Variants in TMEM63A observed in about 807,000 individuals in gnomAD.
The protein encoded by TMEM63A is mechanosensitive cation channel TMEM63A.
Under a neutral mutation model 100.6 loss-of-function variants are expected in TMEM63A, and 76 were observed. That is an observed-to-expected ratio of 0.76 (90% CI 0.63 to 0.91). The LOEUF is 0.91. TMEM63A is among the 40% of genes least tolerant of loss of function. TMEM63A has a pLI of 0.00. For synonymous variants in TMEM63A, 401 were observed against 401.1 expected (o/e 1.00, Z 0.00); for missense variants, 876 against 1,008.8 (o/e 0.87, Z 1.78).
At chr1:225,845,356 T>TCTCCCCCCGCCTGCCAC, downstream of TMEM63A, 2 of 1,445,532 alleles carry the variant, frequency 1.4e-6, no homozygotes, top group Admixed American at 2.0e-5. Flanking sequence ...GACCCACCCC[T>TCTCCCCCCGCCTGCCAC]CTCCCCCCGC....
Position 225,847,081 on chromosome 1 carries a change from T to A in TMEM63A, c.2383A>T (p.Ser795Cys). ...GTIPGQCLAQSATGSVAAAPQ... is the reference protein window; with the variant it reads ...GTIPGQCLAQCATGSVAAAPQ... ...GCAGCAGCCACACTGCCCGTGGCGC[T>A]CTGCGCCAAGCACTGTCCAGGGATA... The change falls in exon 24 of 25, where the codon AGC (serine) becomes TGC (cysteine). Residue 795 changes from serine to cysteine, a missense_variant. Coordinates refer to ENST00000366835, the MANE Select transcript of TMEM63A (RefSeq NM_014698.3). 6.2e-7 allele frequency: 1 copy of A among 1,613,564 alleles called. No individual in the cohort carries two copies. The highest frequency in any genetic ancestry group is 8.5e-7 in the Non-Finnish European group (1 of 1,179,904).
chr1:225,856,826 G>A, intron 16 of TMEM63A, 85 bp downstream of exon 16: 1 of 1,581,624 alleles, frequency 6.3e-7, no homozygotes, highest in East Asian at 2.2e-5. Context: ...CACTGCCTGA[G>A]CAGCTGGGGG....
At chr1:225,848,034 TG>T (rs1669109144) in intron 23 of TMEM63A, among the ~76,000 whole-genome samples, 1 of 152,176 alleles carries the variant, frequency 6.6e-6, no homozygotes, top group South Asian at 2.1e-4. Context: ...CTCTCTACCA[TG>T]GGGTCTTCCT....
chr1:225,866,259 A>G lies in TMEM63A; in HGVS notation c.676-292T>C. On this transcript the variant is annotated intron_variant, in intron 9 of 24. Coordinates refer to ENST00000366835, the MANE Select transcript of TMEM63A (RefSeq NM_014698.3). ...ATGCGGTCACACAGCAGATCAGAGGAGGACCCAGGCCTGGAACCAAGCCAC... is the reference window on the plus strand; with the variant it reads ...ATGCGGTCACACAGCAGATCAGAGGGGGACCCAGGCCTGGAACCAAGCCAC... 3 of 520,450 alleles carry G rather than the reference A, an allele frequency of 5.8e-6. No homozygotes were observed. The South Asian group carries it at 6.5e-5, about 11-fold the overall frequency. The allele number at this position is 520,450 out of a possible 1,614,324, so 32.2% of individuals were successfully genotyped here.
intron 18 of TMEM63A, 90 bp downstream of exon 18, chr1:225,855,788 G>A (rs190554839): frequency 4.4e-5 from 60 of 1,351,466 alleles, no homozygotes; most frequent in Admixed American, 1.6e-4. Flanking sequence ...CATAGGCTAC[G>A]ACCGCCCCCA....
Position 225,866,502 on chromosome 1 carries a change from T to C in TMEM63A, c.675+72A>G, listed in dbSNP as rs1421723939. 4 of 1,388,262 alleles carry C rather than the reference T, an allele frequency of 2.9e-6. No homozygotes were observed. In the East Asian group the frequency reaches 7.0e-5, roughly 24 times the overall value. The allele number at this position is 1,388,262 out of a possible 1,614,324, so 86.0% of individuals were successfully genotyped here. A position where few individuals can be genotyped will look rare whatever the true frequency, so the allele number is the denominator to read the frequency against. On this transcript the variant is annotated intron_variant, in intron 9 of 24. Transcript: ENST00000366835. ...TGCAGTCAGGGCCTGTGGCAGAGCC[T>C]GGGAGGCCCTTCCACTCCGACTCCC...
chr1:225,857,379 C>CGGGGGGGGGGGGGGGG (rs369068747), intron 15 of TMEM63A, among the ~76,000 whole-genome samples: 9 of 112,754 alleles, frequency 8.0e-5, no homozygotes, highest in African/African-American at 3.1e-4. Context: ...TCCTGGCCGG[C>CGGGGGGGGGGGGGGGG]GGGGCGGGGG....
In TMEM63A at chr1:225,848,624, C is replaced by T. The variant is rs57931454; in HGVS notation, c.2188-70G>A. The T allele has an allele frequency of 2.8e-5, 42 of 1,517,386 alleles. No homozygotes were observed. The East Asian group carries it at 9.2e-4, about 33-fold the overall frequency. 94.0% of individuals were successfully genotyped at this position (1,517,386 alleles called of 1,614,324 possible). A position where few individuals can be genotyped will look rare whatever the true frequency, so the allele number is the denominator to read the frequency against. ...TCTGTGAACAAACACCCTCCAAACA[C>T]ACAGACTATTAACACCCGGAATAAT... On this transcript the variant is annotated intron_variant, in intron 22 of 24. Transcript: ENST00000366835.
At chr1:225,843,226 G>A (rs990576487), downstream of TMEM63A, among the ~76,000 whole-genome samples, 4 of 152,288 alleles carry the variant, frequency 2.6e-5, no homozygotes, top group South Asian at 2.1e-4. Flanking sequence ...TTGTCTAAGC[G>A]GCAGAGAGGG....
chr1:225,877,404 G>A lies in TMEM63A; in HGVS notation c.177C>T (p.Ser59=), dbSNP rs765593999. ...TCATGAGGGCTCTCACCAGGAAGCAGCTGACGTCTATGAGCAGGACAGTGG... is the reference window on the plus strand; with the variant it reads ...TCATGAGGGCTCTCACCAGGAAGCAACTGACGTCTATGAGCAGGACAGTGG... ...GIPTVLLIDV[S]CFLFLILVFS... The change falls in exon 3 of 25, where the codon AGC becomes AGT. Residue 59 remains serine (S), a synonymous_variant. Coordinates refer to ENST00000366835, the MANE Select transcript of TMEM63A (RefSeq NM_014698.3). 1.2e-6 allele frequency: 2 copies of A among 1,612,424 alleles called. No individual in the cohort carries two copies. Among genetic ancestry groups the A allele is most frequent in the African/African-American group, 1.3e-5 (1 of 75,036 alleles).
chr1:225,844,827 G>A (rs540678935), downstream of TMEM63A, among the ~76,000 whole-genome samples: 5 of 152,276 alleles, frequency 3.3e-5, no homozygotes, highest in Admixed American at 1.3e-4. Context: ...GCTCCCGGGC[G>A]GCCCTCAGTA....
chr1:225,851,154 C>A (rs896993592), intron 20 of TMEM63A, among the ~76,000 whole-genome samples: 1 of 152,074 alleles, frequency 6.6e-6, no homozygotes, highest in African/African-American at 2.4e-5. Context: ...AGTTGGATGC[C>A]TGGCCTCAAT....
chr1:225,877,650 G>A (rs991348056), intron 2 of TMEM63A, 56 bp from the exon 3 acceptor site: 14 of 1,507,388 alleles, frequency 9.3e-6, no homozygotes, highest in African/African-American at 1.4e-5. Context: ...TTTCTTGCAG[G>A]TTCCCACCAG....
At chr1:225,880,212 A>G (rs1276676755) in intron 1 of TMEM63A, among the ~76,000 whole-genome samples, 1 of 152,160 alleles carries the variant, frequency 6.6e-6, no homozygotes, top group South Asian at 2.1e-4. Context: ...ATGAGCACCC[A>G]GGTTAGGGTA....
At chr1:225,873,228 T>A (rs1559050363) in intron 4 of TMEM63A, among the ~76,000 whole-genome samples, 1 of 152,112 alleles carries the variant, frequency 6.6e-6, no homozygotes, top group Non-Finnish European at 1.5e-5. Flanking sequence ...CAGGTGGTCT[T>A]TTCAACCAGA....
chr1:225,875,706 C>T (rs1670758409), intron 3 of TMEM63A, among the ~76,000 whole-genome samples: 1 of 152,102 alleles, frequency 6.6e-6, no homozygotes. Context: ...CAAACCCATG[C>T]TCTCCAGGGC....
chr1:225,863,510 C>T (rs929510250), intron 10 of TMEM63A, among the ~76,000 whole-genome samples: 4 of 152,174 alleles, frequency 2.6e-5, no homozygotes, highest in African/African-American at 9.7e-5. Context: ...CAGTATCTAC[C>T]TTGAGCCATC....
At chr1:225,864,634 TTGAG>T (rs1428795902) in intron 10 of TMEM63A, 1 of 152,278 alleles carries the variant, frequency 6.6e-6, no homozygotes, top group Non-Finnish European at 1.5e-5. Context: ...GATTCTGGTA[TTGAG>T]TATTTACATA....
chr1:225,875,998 G>A (rs1289306075), intron 3 of TMEM63A, among the ~76,000 whole-genome samples: 1 of 143,292 alleles, frequency 7.0e-6, no homozygotes, highest in African/African-American at 2.7e-5. Context: ...CCCAGGAGGA[G>A]GAAGTCGCAG....
Sources: allele counts gnomAD v4.1 joint callset (sites outside exome capture counted in the v4.1 genomes callset), GRCh38; gene constraint gnomAD v4.1.1; transcripts MANE v1.5; gene names NCBI Gene and HGNC (gene_info 2026-07-23, HGNC 2026-07-21).